The following FRMPD1 variants were observed in gnomAD, a reference collection of about 807,000 sequenced individuals.
The protein encoded by FRMPD1 is FERM and PDZ domain-containing protein 1.
Under a neutral mutation model 117.8 loss-of-function variants are expected in FRMPD1, and 76 were observed. The observed-to-expected ratio is 0.65, with a 90% confidence interval of 0.54 to 0.78. FRMPD1 has a LOEUF of 0.78. Ranked by LOEUF, FRMPD1 falls within the 30% of genes least tolerant of loss-of-function variation. The pLI, the probability that FRMPD1 is intolerant of heterozygous loss-of-function variation, is 0.00. For missense variants in FRMPD1, 1,786 were observed against 1,964.5 expected (o/e 0.91, Z 1.72); for synonymous variants, 783 against 770.4 (o/e 1.02, Z -0.27).
At position 37,731,003 on chromosome 9, in the gene FRMPD1, C is replaced by A; in HGVS notation, c.758C>A (p.Ser253Ter). The change falls in exon 9 of 16, where the codon TCA (serine) becomes TAA (stop). Residue 253 changes from serine to a stop codon, truncating the protein, a stop_gained. Transcript: ENST00000377765. LOFTEE classifies it high-confidence loss of function. ...TCGCAGGTGGTAGAAAGGGAGGAGT[C>A]ACATGACTACCGCTGCCTCTTCAGG... ...LIQQVVEREE[S>*]HDYRCLFRVC... 6.2e-7 allele frequency: 1 copy of A among 1,613,812 alleles called. No homozygotes were observed. Among genetic ancestry groups the A allele is most frequent in the Non-Finnish European group, 8.5e-7 (1 of 1,179,750 alleles).
At chr9:37,631,328 T>C in the FRMPD1 span, among the ~76,000 whole-genome samples, 2 of 152,352 alleles carry the variant, frequency 1.3e-5, no homozygotes, top group East Asian at 3.9e-4. Context: ...ACCAGCAGGA[T>C]AGGCTGTGAA....
intron 2 of FRMPD1, among the ~76,000 whole-genome samples, chr9:37,697,675 G>C (rs1183220037): frequency 6.6e-6 from 1 of 152,146 alleles, no homozygotes; most frequent in East Asian, 1.9e-4. Context: ...CTTAATAAAA[G>C]CTGCAACACA....
At chr9:37,661,618 A>C (rs756004357) in intron 1 of FRMPD1, 2 of 152,084 alleles carry the variant, frequency 1.3e-5, no homozygotes, top group East Asian at 3.9e-4. Context: ...CATTCCTGAC[A>C]TGTTTGTTTC....
chr9:37,744,483 A>G lies in FRMPD1; in HGVS notation c.2451A>G (p.Pro817=), dbSNP rs1467801887. The stretch of plus-strand genomic sequence containing the variant: ...CTGAGAACAGCCTGCCTTGTGGGCC[A>G]GATGGAAGACAGCCAAGCAGGAGGG... ...SSPENSLPCG[P]DGRQPSRRGG... Residue 817 remains proline (P), a synonymous_variant, in exon 16 of 16, where the codon CCA becomes CCG. Coordinates refer to ENST00000377765, the MANE Select transcript of FRMPD1 (RefSeq NM_014907.3). The G allele has an allele frequency of 1.4e-5, 23 of 1,614,042 alleles. No individual in the cohort carries two copies. Among genetic ancestry groups the G allele is most frequent in the Non-Finnish European group, 1.9e-5 (23 of 1,180,014 alleles).
intron 1 of FRMPD1, among the ~76,000 whole-genome samples, chr9:37,664,543 TCC>T: frequency 6.6e-6 from 1 of 151,688 alleles, no homozygotes; most frequent in Admixed American, 6.6e-5. Flanking sequence ...ATTGTTCAAC[TCC>T]CACTTATGAG....
chr9:37,649,799 G>T (rs544165996), upstream of FRMPD1, among the ~76,000 whole-genome samples: 23 of 152,268 alleles, frequency 1.5e-4, no homozygotes, highest in African/African-American at 5.1e-4. Flanking sequence ...CAAACTCCTT[G>T]ACCAGGAATT....
chr9:37,603,517 C>T, the FRMPD1 span, among the ~76,000 whole-genome samples: 3 of 152,156 alleles, frequency 2.0e-5, no homozygotes, highest in African/African-American at 7.2e-5. Flanking sequence ...AAGGATTTAA[C>T]TCAGATCCAT....
Position 37,744,579 on chromosome 9 carries a change from G to A in FRMPD1, c.2547G>A (p.Gln849=). The change falls in exon 16 of 16, where the codon CAG becomes CAA. Residue 849 remains glutamine (Q), a synonymous_variant. Coordinates refer to ENST00000377765, the MANE Select transcript of FRMPD1 (RefSeq NM_014907.3). ...TCCTACAGACCGACTACACCTCTCAGGTCTCATTTCCCCTGGTGCCATCAG... is the reference window on the plus strand; with the variant it reads ...TCCTACAGACCGACTACACCTCTCAAGTCTCATTTCCCCTGGTGCCATCAG... ...RSFLQTDYTS[Q]VSFPLVPSAS... is the part of the protein sequence containing the mutation. 6.2e-7 allele frequency: 1 copy of A among 1,614,132 alleles called. No homozygotes were observed.
chr9:37,638,005 T>TC, the FRMPD1 span, among the ~76,000 whole-genome samples: 33 of 127,032 alleles, frequency 2.6e-4, 1 homozygote, highest in African/African-American at 9.5e-4. Context: ...TCTTTCTTTC[T>TC]TTCTTTCTTT....
chr9:37,650,615 A>C (rs974791017), upstream of FRMPD1, among the ~76,000 whole-genome samples: 5 of 152,170 alleles, frequency 3.3e-5, no homozygotes, highest in Non-Finnish European at 5.9e-5. Flanking sequence ...TCTGGGTTCC[A>C]GTTCTGGCCC....
chr9:37,639,362 T>C, the FRMPD1 span, among the ~76,000 whole-genome samples: 1 of 152,212 alleles, frequency 6.6e-6, no homozygotes, highest in Non-Finnish European at 1.5e-5. Context: ...CAGTAGATTC[T>C]GGGTGTCGCC....
chr9:37,704,547 C>CA (rs1464196005), intron 2 of FRMPD1, among the ~76,000 whole-genome samples: 4 of 152,022 alleles, frequency 2.6e-5, no homozygotes, highest in African/African-American at 4.8e-5. Context: ...TGCTTCCCAG[C>CA]TGTATGACTT....
chr9:37,720,621 A>G (rs1823355975), intron 6 of FRMPD1, among the ~76,000 whole-genome samples: 1 of 152,142 alleles, frequency 6.6e-6, no homozygotes, highest in Non-Finnish European at 1.5e-5. Flanking sequence ...GTGAGCCGAG[A>G]TCGCGCCACT....
chr9:37,641,975 C>T, the FRMPD1 span, among the ~76,000 whole-genome samples: 83 of 152,186 alleles, frequency 5.5e-4, no homozygotes, highest in African/African-American at 1.8e-3. Context: ...TCTCTCAGAC[C>T]CAGAGCAGGC....
At chr9:37,617,887 C>A in the FRMPD1 span, among the ~76,000 whole-genome samples, 1 of 152,192 alleles carries the variant, frequency 6.6e-6, no homozygotes, top group African/African-American at 2.4e-5. Flanking sequence ...TGGGTCCCAG[C>A]AGCCCTCTGG....
At chr9:37,738,344 ATTT>A (rs1444435323) in intron 14 of FRMPD1, among the ~76,000 whole-genome samples, 1 of 146,182 alleles carries the variant, frequency 6.8e-6, no homozygotes, top group Non-Finnish European at 1.5e-5. Flanking sequence ...CTTTGTTTTT[ATTT>A]TTATTTTTTT....
chr9:37,731,299 T>C (rs1304499404), intron 9 of FRMPD1, among the ~76,000 whole-genome samples, 196 bp downstream of exon 9: 2 of 152,238 alleles, frequency 1.3e-5, no homozygotes, highest in South Asian at 4.1e-4. Context: ...GTGTGCGATA[T>C]CAGAATGAAA....
intron 2 of FRMPD1, chr9:37,693,009 T>G (rs3827513): frequency 3.8e-6 from 2 of 524,764 alleles, no homozygotes; most frequent in East Asian, 3.3e-5. Flanking sequence ...CACACAGACA[T>G]ACACACAGAA....
intron 1 of FRMPD1, among the ~76,000 whole-genome samples, chr9:37,655,441 A>G (rs1164192228): frequency 6.9e-6 from 1 of 145,156 alleles, no homozygotes; most frequent in Non-Finnish European, 1.5e-5. Flanking sequence ...AGCAGGCATG[A>G]TGGGCTACCT....
Sources: gnomAD v4.1 joint callset for allele counts (sites outside exome capture counted in the v4.1 genomes callset) on GRCh38, gnomAD v4.1.1 for gene constraint, MANE v1.5 for transcripts, NCBI Gene and HGNC (gene_info 2026-07-23, HGNC 2026-07-21) for gene names.